The following HAPLN1 variants were observed in gnomAD, a reference collection of about 807,000 sequenced individuals.
The protein encoded by HAPLN1 is hyaluronan and proteoglycan link protein 1.
HAPLN1 carries 13 observed loss-of-function variants against 36.5 expected under a neutral mutation model. That is an observed-to-expected ratio of 0.36 (90% confidence interval 0.23 to 0.57). The LOEUF (loss-of-function observed/expected upper bound fraction) is 0.57. HAPLN1 is among the 20% of genes least tolerant of loss of function. HAPLN1 has a pLI of 0.83. For synonymous variants in HAPLN1, 202 were observed against 169.8 expected (o/e 1.19, Z -1.48); for missense variants, 407 against 439.7 (o/e 0.93, Z 0.66).
At chr5:83,647,473 C>T (rs769065770) in intron 3 of HAPLN1, among the ~76,000 whole-genome samples, 9 of 152,118 alleles carry the variant, frequency 5.9e-5, no homozygotes, top group Admixed American at 5.2e-4. Flanking sequence ...TAAGATGTAT[C>T]TTACAAGCAG....
At chr5:83,656,430 T>C (rs1409949503) in intron 2 of HAPLN1, among the ~76,000 whole-genome samples, 1 of 130,572 alleles carries the variant, frequency 7.7e-6, no homozygotes. Context: ...AGAATGAGTA[T>C]TGCTTTAAAA....
At chr5:83,668,677 C>T (rs1192456559) in intron 2 of HAPLN1, among the ~76,000 whole-genome samples, 1 of 152,212 alleles carries the variant, frequency 6.6e-6, no homozygotes, top group Non-Finnish European at 1.5e-5. Flanking sequence ...ATCTCATTAC[C>T]TTCATCATTC....
chr5:83,688,649 T>G (rs1751197012), intron 1 of HAPLN1, among the ~76,000 whole-genome samples: 2 of 82,720 alleles, frequency 2.4e-5, no homozygotes, highest in African/African-American at 9.4e-5. Flanking sequence ...ATTCTTTTTT[T>G]TTTTTTTTTT....
intron 2 of HAPLN1, among the ~76,000 whole-genome samples, chr5:83,665,059 T>C (rs1167676612): frequency 6.6e-6 from 1 of 151,724 alleles, no homozygotes; most frequent in Non-Finnish European, 1.5e-5. Context: ...CCTGACAGCA[T>C]AATTGACAAC....
At chr5:83,714,280 G>C (rs1751865344) in intron 1 of HAPLN1, among the ~76,000 whole-genome samples, 1 of 152,124 alleles carries the variant, frequency 6.6e-6, no homozygotes, top group African/African-American at 2.4e-5. Context: ...TTAATAGGCT[G>C]TGAGCACATC....
At chr5:83,699,638 T>C (rs1490751611) in intron 1 of HAPLN1, among the ~76,000 whole-genome samples, 1 of 152,222 alleles carries the variant, frequency 6.6e-6, no homozygotes, top group East Asian at 1.9e-4. Flanking sequence ...CATTCAGATC[T>C]AATTTTCCTG....
chr5:83,661,135 A>G (rs1321254606), intron 2 of HAPLN1, among the ~76,000 whole-genome samples: 1 of 152,120 alleles, frequency 6.6e-6, no homozygotes, highest in Non-Finnish European at 1.5e-5. Context: ...TTTCAGGACT[A>G]CTATTCTAGA....
chr5:83,689,186 G>A (rs1372844183), intron 1 of HAPLN1, among the ~76,000 whole-genome samples: 1 of 151,988 alleles, frequency 6.6e-6, no homozygotes, highest in Non-Finnish European at 1.5e-5. Flanking sequence ...AAATTATTTT[G>A]GCTATTCTTC....
chr5:83,649,037 T>C (rs1325481706), intron 3 of HAPLN1, among the ~76,000 whole-genome samples: 1 of 152,206 alleles, frequency 6.6e-6, no homozygotes, highest in Non-Finnish European at 1.5e-5. Flanking sequence ...ATATCAATCC[T>C]CATCTTACTC....
intron 1 of HAPLN1, among the ~76,000 whole-genome samples, chr5:83,696,692 G>C (rs1472143855): frequency 6.6e-6 from 1 of 152,158 alleles, no homozygotes; most frequent in African/African-American, 2.4e-5. Context: ...ACTCTTGCCT[G>C]TGTATAATTT....
chr5:83,706,708 A>G lies in HAPLN1; in HGVS notation c.-27+14081T>C, dbSNP rs190793809. 2.5e-3 allele frequency among the ~76,000 whole-genome samples: 380 copies of G among 152,332 alleles called. 2 individuals carry two copies. The highest frequency in any genetic ancestry group is 8.7e-3 in the African/African-American group (361 of 41,568). ...CCCTCTCTCACCACTTTTATTTAAC[A>G]TAGTATTGGAAGTCCTAGCCACAGC... On this transcript the variant is annotated intron_variant, in intron 1 of 4. Coordinates refer to ENST00000274341, the MANE Select transcript of HAPLN1 (RefSeq NM_001884.4).
At chr5:83,670,078 T>C (rs571806421) in intron 2 of HAPLN1, among the ~76,000 whole-genome samples, 2 of 152,314 alleles carry the variant, frequency 1.3e-5, no homozygotes, top group East Asian at 3.9e-4. Flanking sequence ...GGTCATAAAA[T>C]TTCTCTGTTA....
intron 1 of HAPLN1, among the ~76,000 whole-genome samples, chr5:83,698,296 T>C (rs989383092): frequency 1.7e-5 from 2 of 114,780 alleles, no homozygotes; most frequent in Non-Finnish European, 3.6e-5. Flanking sequence ...TGGAGCTCCA[T>C]TGTATGTTAT....
chr5:83,690,440 G>A (rs80050416), intron 1 of HAPLN1, among the ~76,000 whole-genome samples: 3,422 of 152,082 alleles, frequency 0.023, 52 homozygotes, highest in Non-Finnish European at 0.035. Context: ...TAGCTGTTTG[G>A]TCACGGGAGA....
chr5:83,692,528 C>T (rs2112621319), intron 1 of HAPLN1, among the ~76,000 whole-genome samples: 1 of 151,818 alleles, frequency 6.6e-6, no homozygotes, highest in Admixed American at 6.6e-5. Flanking sequence ...CTTTACTCTG[C>T]AAAAATATGT....
Position 83,638,501 on chromosome 5 carries a change from A to ATAAGTGATT in HAPLN1, c.*2986_*2994dup, listed in dbSNP as rs1269094171. ...TTAATGCATCCTATGCTAAAAACTG[A>ATAAGTGATT]TAAGTGATTCCCTTTTAATCCTCCC... is the stretch of plus-strand genomic sequence containing the variant. On this transcript the variant is annotated 3_prime_UTR_variant, in exon 5 of 5. Coordinates refer to ENST00000274341, the MANE Select transcript of HAPLN1 (RefSeq NM_001884.4). 6.6e-5 allele frequency: 10 copies of ATAAGTGATT among 152,054 alleles called. No homozygotes were observed. The East Asian group carries it at 1.9e-3, about 29-fold the overall frequency. 9.4% of individuals were successfully genotyped at this position (152,054 alleles called of 1,614,324 possible).
intron 1 of HAPLN1, among the ~76,000 whole-genome samples, chr5:83,705,504 A>T (rs959055614): frequency 2.0e-5 from 3 of 152,204 alleles, no homozygotes; most frequent in Non-Finnish European, 4.4e-5. Flanking sequence ...TAAGGCAGAA[A>T]TCATTAAGTT....
chr5:83,718,487 C>G (rs544013042), intron 1 of HAPLN1, among the ~76,000 whole-genome samples: 57 of 152,326 alleles, frequency 3.7e-4, no homozygotes, highest in African/African-American at 1.2e-3. Context: ...TTTATACCAC[C>G]TCGTCCTCTC....
Position 83,644,344 on chromosome 5 carries a change from A to C in HAPLN1, c.775+19T>G, listed in dbSNP as rs773445675. On this transcript the variant is annotated intron_variant, in intron 4 of 4. Transcript: ENST00000274341. Reference sequence around the variant, plus strand: ...TAGTCTGTGAGATAGGAAAGAAGGCAGTACAGTTATTATCTTACCATTGAA... The same window carrying C: ...TAGTCTGTGAGATAGGAAAGAAGGCCGTACAGTTATTATCTTACCATTGAA... 4.0e-6 allele frequency: 6 copies of C among 1,488,116 alleles called. No homozygotes were observed. In the South Asian group the frequency reaches 7.0e-5, roughly 17 times the overall value. 92.2% of individuals were successfully genotyped at this position (1,488,116 alleles called of 1,614,324 possible).
Sources: allele counts gnomAD v4.1 joint callset (sites outside exome capture counted in the v4.1 genomes callset), GRCh38; gene constraint gnomAD v4.1.1; transcripts MANE v1.5; gene names NCBI Gene and HGNC (gene_info 2026-07-23, HGNC 2026-07-21).